SLC35F4: variants seen among roughly 807,000 people sequenced by gnomAD.
SLC35F4 encodes solute carrier family 35 member F4, also known as chromosome 14 open reading frame 36.
Under a neutral mutation model 44.2 loss-of-function variants are expected in SLC35F4, and 24 were observed. The observed-to-expected ratio is 0.54, with a 90% CI of 0.39 to 0.76. The LOEUF is 0.76. SLC35F4 is among the 30% of genes least tolerant of loss of function. SLC35F4 has a pLI of 0.00. For synonymous variants in SLC35F4, 238 were observed against 223.6 expected, an observed-to-expected ratio of 1.06 and a Z score of -0.57; for missense variants, 562 against 586.1, an observed-to-expected ratio of 0.96 and a Z score of 0.42.
rs998023648 is a variant in SLC35F4 at position 57,854,323 on chromosome 14, A to T, written c.103+11400T>A. On this transcript the variant is annotated intron_variant, in intron 1 of 7. Transcript: ENST00000556826. ...GTAGTTAAATGCTTTATAATTTTTA[A>T]AAAAAAATTATAACTCCAAAGACTA... 6.6e-5 allele frequency among the ~76,000 whole-genome samples: 10 copies of T among 152,246 alleles called. No individual in the cohort carries two copies. In the East Asian group the frequency reaches 9.6e-4, roughly 15 times the overall value.
chr14:57,872,403 A>G (rs540807925), intron 1 of SLC35F4, among the ~76,000 whole-genome samples: 1 of 152,142 alleles, frequency 6.6e-6, no homozygotes, highest in East Asian at 1.9e-4. Flanking sequence ...ATACATTTCA[A>G]GAGAGAAGCT....
chr14:57,905,042 T>C (rs1308738909), intron 1 of SLC35F4, among the ~76,000 whole-genome samples: 16 of 152,240 alleles, frequency 1.1e-4, no homozygotes, highest in Admixed American at 1.0e-3. Flanking sequence ...TCTCATGTTA[T>C]GTGGGTCAAA....
At chr14:57,775,450 G>A (rs929556836) in intron 1 of SLC35F4, among the ~76,000 whole-genome samples, 1 of 152,228 alleles carries the variant, frequency 6.6e-6, no homozygotes, top group Admixed American at 6.5e-5. Flanking sequence ...GGTACAGCAG[G>A]TTCCTAACCT....
chr14:57,678,368 G>A (rs1430352835), intron 1 of SLC35F4, among the ~76,000 whole-genome samples: 1 of 152,064 alleles, frequency 6.6e-6, no homozygotes, highest in Non-Finnish European at 1.5e-5. Flanking sequence ...GCTCCTGAAG[G>A]AGGCACTAAA....
intron 1 of SLC35F4, among the ~76,000 whole-genome samples, chr14:57,772,978 T>C (rs1306356059): frequency 1.3e-5 from 2 of 152,200 alleles, no homozygotes; most frequent in East Asian, 1.9e-4. Flanking sequence ...ACCAACAACA[T>C]ATAAGCATTC....
At chr14:57,689,250 A>G (rs150285312) in intron 1 of SLC35F4, among the ~76,000 whole-genome samples, 231 of 151,500 alleles carry the variant, frequency 1.5e-3, no homozygotes, top group Non-Finnish European at 9.6e-4. Context: ...TCCACCCTCA[A>G]CTCGTCTCTG....
chr14:57,941,935 T>C (rs1889923090), intron 1 of SLC35F4, among the ~76,000 whole-genome samples: 1 of 152,194 alleles, frequency 6.6e-6, no homozygotes, highest in Admixed American at 6.5e-5. Context: ...ACAAGGCAGC[T>C]GCCAGGTCTG....
intron 1 of SLC35F4, among the ~76,000 whole-genome samples, chr14:57,595,579 T>C (rs1246297050): frequency 6.6e-6 from 1 of 152,200 alleles, no homozygotes; most frequent in African/African-American, 2.4e-5. Context: ...AATTTGTCTC[T>C]TTTCCTCCTT....
At chr14:57,645,444 A>C (rs1301434457) in intron 1 of SLC35F4, among the ~76,000 whole-genome samples, 7 of 152,122 alleles carry the variant, frequency 4.6e-5, no homozygotes, top group Non-Finnish European at 7.4e-5. Context: ...GTGTATAAGA[A>C]TGCTTGTGAT....
rs2091901798 is a variant in SLC35F4, at chr14:57,910,207, A to G, written n.282+71706T>C. 2.0e-5 allele frequency among the ~76,000 whole-genome samples: 3 copies of G among 151,890 alleles called. No individual in the cohort carries two copies. In the South Asian group the frequency reaches 6.2e-4, roughly 31 times the overall value. On this transcript the variant is annotated intron_variant and non_coding_transcript_variant, in intron 1 of 1. Transcript: ENST00000556568. The stretch of plus-strand genomic sequence containing the variant: ...TGTATATTTTGTATATCAGTCCTGT[A>G]TCGGATGTGTCTTTTGCAATATTTT...
chr14:57,743,064 T>C (rs2076657279), intron 1 of SLC35F4, among the ~76,000 whole-genome samples: 1 of 152,128 alleles, frequency 6.6e-6, no homozygotes, highest in Non-Finnish European at 1.5e-5. Context: ...CTGGGACACA[T>C]TTAAAGCAGT....
At chr14:57,665,263 G>A (rs759150797) in intron 1 of SLC35F4, among the ~76,000 whole-genome samples, 18 of 152,082 alleles carry the variant, frequency 1.2e-4, no homozygotes, top group East Asian at 5.8e-4. Flanking sequence ...CCCAGACTCC[G>A]CCCATCCTCC....
intron 3 of SLC35F4, among the ~76,000 whole-genome samples, chr14:57,583,121 TCTG>T (rs2069416778): frequency 6.6e-6 from 1 of 152,236 alleles, no homozygotes; most frequent in South Asian, 2.1e-4. Flanking sequence ...TTTAAAGCCT[TCTG>T]TAATGTAAAC....
At chr14:57,784,320 C>A (rs928039456) in intron 1 of SLC35F4, among the ~76,000 whole-genome samples, 1 of 152,170 alleles carries the variant, frequency 6.6e-6, no homozygotes, top group South Asian at 2.1e-4. Context: ...TCTTTTACAA[C>A]ATAGACCTTT....
intron 1 of SLC35F4, among the ~76,000 whole-genome samples, chr14:57,798,426 A>G (rs755286792): frequency 6.6e-6 from 1 of 152,204 alleles, no homozygotes; most frequent in Non-Finnish European, 1.5e-5. Context: ...ATTAATAACC[A>G]TATATGGTTA....
At chr14:57,572,836 A>G (rs1364991032) in intron 4 of SLC35F4, among the ~76,000 whole-genome samples, 2 of 152,236 alleles carry the variant, frequency 1.3e-5, no homozygotes, top group African/African-American at 4.8e-5. Flanking sequence ...TCATCTCTTT[A>G]TCTTGAACTA....
At chr14:57,764,121 T>A (rs2077184050) in intron 1 of SLC35F4, among the ~76,000 whole-genome samples, 1 of 152,130 alleles carries the variant, frequency 6.6e-6, no homozygotes, top group African/African-American at 2.4e-5. Context: ...ATTTTATATG[T>A]CCACCCCATC....
At chr14:57,964,989 A>ATATATATATATATATAT (rs1351434287) in intron 1 of SLC35F4, among the ~76,000 whole-genome samples, 6 of 127,902 alleles carry the variant, frequency 4.7e-5, no homozygotes, top group Admixed American at 1.5e-4. Context: ...AAAAAAAAAA[A>ATATATATATATATATAT]AAATATATAT....
In SLC35F4 at chr14:57,564,194, T is replaced by C. The variant is rs529285722; in HGVS notation, c.1399A>G (p.Ser467Gly). ...CTGCCTCTGCCCCGCAGGTGTATGCTGGGATCAGTCACATCATCCACATGC... is the reference window on the plus strand; with the variant it reads ...CTGCCTCTGCCCCGCAGGTGTATGCCGGGATCAGTCACATCATCCACATGC... ...EEHVDDVTDP[S>G]IHLRGRGRAN... Residue 467 changes from serine to glycine, a missense_variant, in exon 8 of 8, where the codon AGC (serine) becomes GGC (glycine). Physicochemically the swap from Ser to Gly is moderately conservative, Grantham distance 56. Coordinates refer to ENST00000556826, the MANE Select transcript of SLC35F4 (RefSeq NM_001306087.2). 2.5e-6 allele frequency: 4 copies of C among 1,613,720 alleles called. No individual in the cohort carries two copies. The highest frequency in any genetic ancestry group is 2.2e-5 in the South Asian group (2 of 91,040).
Sources: gnomAD v4.1 joint callset for allele counts (sites outside exome capture counted in the v4.1 genomes callset) on GRCh38, gnomAD v4.1.1 for gene constraint, MANE v1.5 for transcripts, NCBI Gene and HGNC (gene_info 2026-07-23, HGNC 2026-07-21) for gene names.